The following CLSTN2 variants were observed in gnomAD, a reference collection of about 807,000 sequenced individuals.
CLSTN2 encodes the protein calsyntenin-2.
A neutral mutation model predicts 101.2 loss-of-function variants in CLSTN2; 48 were observed. That is an observed-to-expected ratio of 0.47 (90% CI 0.38 to 0.60). The LOEUF is 0.60. Ranked by LOEUF, CLSTN2 falls within the 20% of genes least tolerant of loss-of-function variation. The pLI is 0.00. For missense variants in CLSTN2, 1,160 were observed against 1,238.2 expected (o/e 0.94, Z 0.95); for synonymous variants, 481 against 463.6 (o/e 1.04, Z -0.48).
intron 1 of CLSTN2, among the ~76,000 whole-genome samples, chr3:140,000,089 C>T (rs866878996): frequency 1.3e-5 from 2 of 148,816 alleles, no homozygotes; most frequent in Middle Eastern, 6.8e-3. Flanking sequence ...ATAGTCATCC[C>T]CTTTAAGATT....
At chr3:139,967,784 G>A (rs1419287541) in intron 1 of CLSTN2, among the ~76,000 whole-genome samples, 2 of 152,118 alleles carry the variant, frequency 1.3e-5, no homozygotes, top group Admixed American at 6.5e-5. Flanking sequence ...ATACCAAATA[G>A]CTATTTAAAA....
chr3:140,448,367 TA>T lies in CLSTN2; in HGVS notation c.788-148del. On this transcript the variant is annotated intron_variant, in intron 5 of 16. Coordinates refer to ENST00000458420, the MANE Select transcript of CLSTN2 (RefSeq NM_022131.3). ...GGAGGAAACCCTGCATAAGCAAATG[TA>T]AAACTGCCATTATTCTCAAACTGTT... The T allele has an allele frequency of 2.9e-6, 2 of 686,300 alleles. 1 individual carries two copies. The highest frequency in any genetic ancestry group is 4.0e-5 in the South Asian group (2 of 49,462). 42.5% of individuals were successfully genotyped at this position (686,300 alleles called of 1,614,324 possible).
chr3:139,990,296 A>T (rs1936094590), intron 1 of CLSTN2, among the ~76,000 whole-genome samples: 1 of 152,216 alleles, frequency 6.6e-6, no homozygotes, highest in South Asian at 2.1e-4. Flanking sequence ...GATGGCTGCC[A>T]TGATATGCTG....
intron 8 of CLSTN2, among the ~76,000 whole-genome samples, chr3:140,524,542 A>G (rs191829227): frequency 1.3e-5 from 2 of 152,346 alleles, no homozygotes; most frequent in Non-Finnish European, 2.9e-5. Flanking sequence ...ATTGAGGCAG[A>G]AAACAAACAA....
At chr3:140,421,378 A>T (rs765128223) in intron 5 of CLSTN2, 104 bp downstream of exon 5, 62 of 1,320,068 alleles carry the variant, frequency 4.7e-5, no homozygotes, top group Non-Finnish European at 6.3e-5. Context: ...TTTAAAGTAC[A>T]GTCACTTTGC....
chr3:140,103,808 C>T (rs933528528), intron 1 of CLSTN2, among the ~76,000 whole-genome samples: 3 of 152,152 alleles, frequency 2.0e-5, no homozygotes, highest in Non-Finnish European at 4.4e-5. Flanking sequence ...CCCAGTTGGG[C>T]TCTCAAAGAG....
intron 1 of CLSTN2, among the ~76,000 whole-genome samples, chr3:140,161,681 C>T (rs913025474): frequency 6.6e-6 from 1 of 152,092 alleles, no homozygotes; most frequent in Non-Finnish European, 1.5e-5. Flanking sequence ...CTTTCTTTCT[C>T]TCCCCTCCTA....
intron 2 of CLSTN2, among the ~76,000 whole-genome samples, chr3:140,298,557 G>C (rs528777326): frequency 6.6e-5 from 10 of 152,316 alleles, no homozygotes; most frequent in African/African-American, 2.4e-4. Context: ...ATGTCTGGCA[G>C]CCTGAGCAGG....
chr3:140,174,113 T>G (rs966595903), intron 1 of CLSTN2, among the ~76,000 whole-genome samples: 1 of 152,206 alleles, frequency 6.6e-6, no homozygotes, highest in African/African-American at 2.4e-5. Flanking sequence ...TAAAACTGAA[T>G]GCTTTTAACA....
intron 1 of CLSTN2, among the ~76,000 whole-genome samples, chr3:140,074,624 G>C (rs968623116): frequency 6.6e-6 from 1 of 152,130 alleles, no homozygotes; most frequent in African/African-American, 2.4e-5. Flanking sequence ...CAACCTTTAA[G>C]GGAGAGATGC....
intron 1 of CLSTN2, among the ~76,000 whole-genome samples, chr3:139,937,688 G>A (rs1246647295): frequency 6.6e-6 from 1 of 152,084 alleles, no homozygotes; most frequent in Admixed American, 6.5e-5. Flanking sequence ...AGGTTTCAAT[G>A]AGCCGAGATC....
intron 1 of CLSTN2, among the ~76,000 whole-genome samples, chr3:140,115,359 G>A (rs1243587346): frequency 3.3e-5 from 5 of 151,624 alleles, no homozygotes; most frequent in African/African-American, 7.3e-5. Context: ...ATATAAAATC[G>A]TGAAATACAA....
chr3:140,243,869 G>A (rs1239912048), intron 2 of CLSTN2, among the ~76,000 whole-genome samples: 1 of 152,194 alleles, frequency 6.6e-6, no homozygotes, highest in Admixed American at 6.5e-5. Context: ...TGGCGCAAGT[G>A]AGAAAACAGG....
chr3:139,946,004 T>C (rs1935209201), intron 1 of CLSTN2, among the ~76,000 whole-genome samples: 1 of 152,224 alleles, frequency 6.6e-6, no homozygotes, highest in Non-Finnish European at 1.5e-5. Context: ...CTTCCATTTA[T>C]ATTGCACATT....
chr3:140,217,456 T>C (rs1457330660), intron 2 of CLSTN2, among the ~76,000 whole-genome samples: 1 of 152,164 alleles, frequency 6.6e-6, no homozygotes, highest in Non-Finnish European at 1.5e-5. Context: ...TGCTCCATGG[T>C]TTTCCGAGAT....
Position 140,232,703 on chromosome 3 carries a change from C to A in CLSTN2, c.232+56630C>A, listed in dbSNP as rs573756986. ...ATTACTTGTCCTCCAAACATTACCCCCTTATTGTATTTAATATTGCAATGA... is the reference window on the plus strand; with the variant it reads ...ATTACTTGTCCTCCAAACATTACCCACTTATTGTATTTAATATTGCAATGA... On this transcript the variant is annotated intron_variant, in intron 2 of 16. Transcript: ENST00000458420. Among the ~76,000 whole-genome samples, 4 of 152,260 alleles carry A rather than the reference C, an allele frequency of 2.6e-5. No homozygotes were observed. The East Asian group carries it at 7.7e-4, about 29-fold the overall frequency.
intron 1 of CLSTN2, among the ~76,000 whole-genome samples, chr3:139,936,111 C>G (rs1576369206): frequency 1.3e-5 from 2 of 152,164 alleles, no homozygotes; most frequent in Non-Finnish European, 2.9e-5. Flanking sequence ...GACCGAGGAG[C>G]CTAACCTGGC....
At chr3:140,522,213 G>A (rs908207570) in intron 8 of CLSTN2, among the ~76,000 whole-genome samples, 2 of 152,238 alleles carry the variant, frequency 1.3e-5, no homozygotes, top group Non-Finnish European at 2.9e-5. Flanking sequence ...CGGGTTGTTT[G>A]CCTAGTCAGT....
chr3:140,375,940 A>G (rs111303833), intron 2 of CLSTN2, among the ~76,000 whole-genome samples: 2 of 152,324 alleles, frequency 1.3e-5, no homozygotes, highest in African/African-American at 2.4e-5. Flanking sequence ...CTAACACCAT[A>G]CAATAAAGAC....
Sources: gnomAD v4.1 joint callset for allele counts (sites outside exome capture counted in the v4.1 genomes callset) on GRCh38, gnomAD v4.1.1 for gene constraint, MANE v1.5 for transcripts, NCBI Gene and HGNC (gene_info 2026-07-23, HGNC 2026-07-21) for gene names.